Variants in MAD2L2 observed in about 807,000 individuals in gnomAD.
MAD2L2 encodes the protein mitotic spindle assembly checkpoint protein MAD2B.
MAD2L2 carries 17 observed loss-of-function variants against 30.5 expected under a neutral mutation model. That is an observed-to-expected ratio of 0.56 (90% CI 0.38 to 0.84). The LOEUF is 0.84. Among genes scored for constraint, MAD2L2 ranks in the 40% least tolerant of loss-of-function variants. MAD2L2 has a pLI of 0.00. For synonymous variants in MAD2L2, 101 were observed against 113.9 expected (o/e 0.89, Z 0.72); for missense variants, 213 against 277.4 (o/e 0.77, Z 1.65).
rs748326850 is a variant in MAD2L2 at position 11,676,281 on chromosome 1, C to T, written c.333-141G>A. 6 of 600,896 alleles carry T rather than the reference C, an allele frequency of 1.0e-5. No homozygotes were observed. The South Asian group carries it at 1.0e-4, about 10-fold the overall frequency. 37.2% of individuals were successfully genotyped at this position (600,896 alleles called of 1,614,324 possible). ...CATGCCTAGGACCCAGCTCCCTATC[C>T]GGTCCACACAATTAAACCAGCAAGG... On this transcript the variant is annotated intron_variant, in intron 5 of 8. Transcript: ENST00000376692.
rs1373946607 is a variant in MAD2L2, at chr1:11,688,279, G to T, written c.-692+3134C>A. On this transcript the variant is annotated intron_variant, in intron 1 of 10. Transcript: ENST00000235310. The surrounding 1 kb of genome is among the most constrained non-coding windows in gnomAD (Gnocchi z 4.6). ...CCAACCTTAGGAATCAGCACACGTGGCCGGGCACGGTGGCTCATGCCTGTA... is the reference window on the plus strand; with the variant it reads ...CCAACCTTAGGAATCAGCACACGTGTCCGGGCACGGTGGCTCATGCCTGTA... 6.6e-6 allele frequency among the ~76,000 whole-genome samples: 1 copy of T among 152,134 alleles called. No individual in the cohort carries two copies. The highest frequency in any genetic ancestry group is 2.4e-5 in the African/African-American group (1 of 41,422).
intron 7 of MAD2L2, 126 bp from the exon 8 acceptor site, chr1:11,675,300 G>C: frequency 3.0e-6 from 2 of 656,642 alleles, no homozygotes; most frequent in South Asian, 2.0e-5. Flanking sequence ...GAAGCTGTTG[G>C]TGATGCAGAC....
chr1:11,686,246 C>T (rs747078844), intron 1 of MAD2L2, among the ~76,000 whole-genome samples: 4 of 152,186 alleles, frequency 2.6e-5, no homozygotes, highest in Admixed American at 1.3e-4. Flanking sequence ...AGCTCCTCTC[C>T]GCTCTCATCT....
Position 11,674,737 on chromosome 1 carries a change from C to CT in MAD2L2, c.*37dup, listed in dbSNP as rs1178949035. The CT allele has an allele frequency of 8.7e-6, 14 of 1,609,794 alleles. No homozygotes were observed. The highest frequency in any genetic ancestry group is 1.2e-5 in the Non-Finnish European group (14 of 1,176,876). On this transcript the variant is annotated 3_prime_UTR_variant, in exon 9 of 9. Transcript: ENST00000376692. This position sits in a 1 kb window ranked among gnomAD's most constrained non-coding sequence, Gnocchi z 6.1. ...GCCCTAGGCGGGGATCCCCCAAAGT[C>CT]TGACAGTTTGGGCATCAGTGGGGTG...
chr1:11,678,662 A>G (rs1435357771), intron 3 of MAD2L2, among the ~76,000 whole-genome samples: 1 of 152,224 alleles, frequency 6.6e-6, no homozygotes, highest in Non-Finnish European at 1.5e-5. Flanking sequence ...TTCATCATAA[A>G]GAAGAAGTGA....
At chr1:11,681,392 C>T (rs1640878305), upstream of MAD2L2, 1 of 152,270 alleles carries the variant, frequency 6.6e-6, no homozygotes, top group Non-Finnish European at 1.5e-5. Flanking sequence ...CGCTACATAT[C>T]TTCCCCCGAG....
intron 8 of MAD2L2, 60 bp downstream of exon 8, chr1:11,675,022 C>T (rs1640732872): frequency 4.9e-6 from 7 of 1,418,176 alleles, no homozygotes; most frequent in South Asian, 1.3e-5. Flanking sequence ...GCCTCAGCAC[C>T]GGGCCTCACT....
intron 3 of MAD2L2, among the ~76,000 whole-genome samples, chr1:11,678,161 TC>T (rs1640804760): frequency 1.3e-5 from 2 of 150,884 alleles, no homozygotes; most frequent in African/African-American, 4.9e-5. Flanking sequence ...ACTCCTCTAA[TC>T]CCAGCACTTT....
At chr1:11,676,222 T>G in intron 5 of MAD2L2, 82 bp from the exon 6 acceptor site, 1 of 853,928 alleles carries the variant, frequency 1.2e-6, no homozygotes, top group Non-Finnish European at 1.8e-6. Context: ...AGACCTGGGG[T>G]ACAAGACCCC....
At chr1:11,684,343 C>T (rs1176141164), upstream of MAD2L2, among the ~76,000 whole-genome samples, 1 of 152,164 alleles carries the variant, frequency 6.6e-6, no homozygotes, top group Non-Finnish European at 1.5e-5. Context: ...CATTTTTGAA[C>T]ATCCGTCTGC....
chr1:11,675,482 C>T (rs910318389), intron 7 of MAD2L2, among the ~76,000 whole-genome samples, 176 bp downstream of exon 7: 7 of 152,200 alleles, frequency 4.6e-5, no homozygotes, highest in Non-Finnish European at 8.8e-5. Context: ...ACCTGGGCTC[C>T]TCACTGCCCC....
At position 11,675,065 on chromosome 1, in the gene MAD2L2, G is replaced by A. The variant is rs1305358262; in HGVS notation, c.594+17C>T. On this transcript the variant is annotated intron_variant, in intron 8 of 8. Coordinates refer to ENST00000376692, the MANE Select transcript of MAD2L2 (RefSeq NM_006341.4). ...GCAGCCCCTAAATAAAGCTTCCCGG[G>A]TCCCCACGAAGCTCACCTTTAAAAT... is the stretch of plus-strand genomic sequence containing the variant. 1.3e-6 allele frequency: 2 copies of A among 1,562,234 alleles called. No homozygotes were observed.
At position 11,680,371 on chromosome 1, in the gene MAD2L2, C is replaced by T; in HGVS notation, c.141G>A (p.Lys47=). The T allele has an allele frequency of 6.2e-7, 1 of 1,613,856 alleles. No homozygotes were observed. The highest frequency in any genetic ancestry group is 1.1e-5 in the South Asian group (1 of 91,038). Residue 47 remains lysine (K), a synonymous_variant, in exon 3 of 9, where the codon AAG becomes AAA. Transcript: ENST00000376692. ...YPVGIFQKRK[K]YNVPVQMSCH... Reference sequence around the variant, plus strand: ...GCCTCACCTGGACCGGCACGTTGTACTTCTTGCGTTTCTGGAAGATGCCCA... The same window carrying T: ...GCCTCACCTGGACCGGCACGTTGTATTTCTTGCGTTTCTGGAAGATGCCCA...
chr1:11,680,870 C>T (rs1352420774), intron 1 of MAD2L2, 169 bp downstream of exon 1: 2 of 1,010,034 alleles, frequency 2.0e-6, no homozygotes, highest in Non-Finnish European at 2.5e-6. Context: ...CAGCTGTGCC[C>T]CCGAAAAGGG....
chr1:11,685,347 T>C (rs957925662), upstream of MAD2L2, among the ~76,000 whole-genome samples: 4 of 152,144 alleles, frequency 2.6e-5, no homozygotes, highest in African/African-American at 4.8e-5. Context: ...GAATCCCAAC[T>C]GAGTCTGGAT....
Position 11,688,627 on chromosome 1 carries a change from T to C in MAD2L2, c.-692+2786A>G, listed in dbSNP as rs1471551699. Among the ~76,000 whole-genome samples the C allele has an allele frequency of 1.3e-5, 2 of 152,080 alleles. No homozygotes were observed. Among genetic ancestry groups the C allele is most frequent in the Non-Finnish European group, 2.9e-5 (2 of 68,020 alleles). ...CCTAAGTCGGATCATGTCTCTGCTCTGCTCATGGTCCCTCTAAAAAGCTCA... is the reference window on the plus strand; with the variant it reads ...CCTAAGTCGGATCATGTCTCTGCTCCGCTCATGGTCCCTCTAAAAAGCTCA... On this transcript the variant is annotated intron_variant, in intron 1 of 10. Transcript: ENST00000235310. The surrounding 1 kb of genome is among the most constrained non-coding windows in gnomAD (Gnocchi z 4.6).
upstream of MAD2L2, chr1:11,682,063 TCAAA>T (rs1640889043): frequency 6.6e-6 from 1 of 152,204 alleles, no homozygotes; most frequent in Admixed American, 6.5e-5. Flanking sequence ...TTCTTATGTG[TCAAA>T]CACTGATTCC....
At chr1:11,685,198 T>C (rs1399973982), upstream of MAD2L2, among the ~76,000 whole-genome samples, 1 of 152,192 alleles carries the variant, frequency 6.6e-6, no homozygotes, top group Non-Finnish European at 1.5e-5. Flanking sequence ...CGCAAAATGC[T>C]GAGATTACAG....
intron 1 of MAD2L2, 187 bp from the exon 2 acceptor site, chr1:11,680,800 C>T: frequency 7.7e-7 from 1 of 1,296,430 alleles, no homozygotes. Flanking sequence ...GGGGCATCAG[C>T]CTCTATCCAC....
Sources: gnomAD v4.1 joint callset for allele counts (sites outside exome capture counted in the v4.1 genomes callset) on GRCh38, gnomAD v4.1.1 for gene constraint, Gnocchi (gnomAD v3.1) non-coding constraint, MANE v1.5 for transcripts, NCBI Gene and HGNC (gene_info 2026-07-23, HGNC 2026-07-21) for gene names.